Variants in NEB observed in about 807,000 individuals in gnomAD.
NEB encodes the protein nebulin.
Under a neutral mutation model 952.2 loss-of-function variants are expected in NEB, and 512 were observed. The ratio of observed to expected loss-of-function variants is 0.54; its 90% CI spans 0.50 to 0.58. The LOEUF (loss-of-function observed/expected upper bound fraction) is 0.58, where lower values mean the gene tolerates loss of function less well. Ranked by LOEUF, NEB falls within the 20% of genes least tolerant of loss-of-function variation. NEB has a pLI of 0.00. For missense variants in NEB, 8,428 were observed against 9,231.1 expected (o/e 0.91, Z 3.56); for synonymous variants, 2,900 against 3,149.8 (o/e 0.92, Z 2.66).
At chr2:151,626,721 A>G (rs1051414652) in intron 70 of NEB, among the ~76,000 whole-genome samples, 4 of 152,094 alleles carry the variant, frequency 2.6e-5, no homozygotes, top group Non-Finnish European at 5.9e-5. Context: ...TATTTTTAGT[A>G]GAGACAGGGT....
chr2:151,612,227 C>G lies in NEB; in HGVS notation c.11764G>C (p.Glu3922Gln). Residue 3922 changes from glutamate to glutamine, a missense_variant, in exon 78 of 182, where the codon GAA (glutamate) becomes CAA (glutamine). Coordinates refer to ENST00000397345, the MANE Select transcript of NEB (RefSeq NM_001164508.2). Reference sequence around the variant, plus strand: ...GCATTATTCTTTGCTAGGACAATTTCCGGAGTGTCGGTAATGCATGTGAAT... The same window carrying G: ...GCATTATTCTTTGCTAGGACAATTTGCGGAGTGTCGGTAATGCATGTGAAT... ...LKFTCITDTP[E>Q]IVLAKNNALT... is the part of the protein sequence containing the mutation. The G allele has an allele frequency of 6.2e-7, 1 of 1,613,838 alleles. No homozygotes were observed. Among genetic ancestry groups the G allele is most frequent in the Non-Finnish European group, 8.5e-7 (1 of 1,179,828 alleles).
At position 151,497,758 on chromosome 2, in the gene NEB, A is replaced by G. The variant is rs574960576; in HGVS notation, c.24208-40T>C. ...AGCATCCAGAAAAACAACCATGAGTAACATTTCATTTCTTGGGACTTTTTA... is the reference window on the plus strand; with the variant it reads ...AGCATCCAGAAAAACAACCATGAGTGACATTTCATTTCTTGGGACTTTTTA... On this transcript the variant is annotated intron_variant, in intron 170 of 181. Transcript: ENST00000397345. The G allele has an allele frequency of 1.7e-5, 26 of 1,552,642 alleles. No homozygotes were observed. The South Asian group carries it at 2.8e-4, about 16-fold the overall frequency.
Position 151,671,182 on chromosome 2 carries a change from C to G in NEB, c.4347G>C (p.Trp1449Cys). The change falls in exon 38 of 182, where the codon TGG becomes TGC. Residue 1449 changes from tryptophan (W) to cysteine (C), a missense_variant. Transcript: ENST00000397345. ...EYNSFLKGIG[W>C]IPIGSLEVEK... ...CCACCTCCAGGGAACCAATAGGGATCCATCCGATGCCCTTCAAGAAGCTGT... is the reference window on the plus strand; with the variant it reads ...CCACCTCCAGGGAACCAATAGGGATGCATCCGATGCCCTTCAAGAAGCTGT... 1 of 1,613,960 alleles carries G rather than the reference C, an allele frequency of 6.2e-7. No individual in the cohort carries two copies. Among genetic ancestry groups the G allele is most frequent in the Non-Finnish European group, 8.5e-7 (1 of 1,179,856 alleles).
chr2:151,635,169 A>T (rs2098733268), intron 64 of NEB, among the ~76,000 whole-genome samples: 1 of 152,256 alleles, frequency 6.6e-6, no homozygotes, highest in South Asian at 2.1e-4. Context: ...GAGACAATGC[A>T]TATAAAGCTC....
intron 9 of NEB, among the ~76,000 whole-genome samples, chr2:151,720,273 T>G (rs1048546373): frequency 6.6e-6 from 1 of 152,214 alleles, no homozygotes; most frequent in East Asian, 1.9e-4. Flanking sequence ...ACAGGAGAGA[T>G]AGCAACAGCA....
chr2:151,620,804 A>G (rs1197380596), intron 72 of NEB, 115 bp downstream of exon 72: 2 of 714,108 alleles, frequency 2.8e-6, no homozygotes, highest in Non-Finnish European at 4.6e-6. Context: ...AACCCTCAGT[A>G]TATTTGCCTA....
At chr2:151,608,905 C>CA (rs1163520121) in intron 81 of NEB, among the ~76,000 whole-genome samples, 865 of 34,412 alleles carry the variant, frequency 0.025, 93 homozygotes, top group African/African-American at 0.04. Flanking sequence ...CTCCGTCTCA[C>CA]AAAAAAAAAA....
chr2:151,677,223 A>G (rs1255266626), intron 34 of NEB, among the ~76,000 whole-genome samples: 2 of 152,200 alleles, frequency 1.3e-5, no homozygotes, highest in African/African-American at 2.4e-5. Context: ...TGCCACAATA[A>G]AGTGTCTGGG....
In NEB at chr2:151,553,326, A is replaced by G. The variant is rs1173091737; in HGVS notation, c.19731+72T>C. On this transcript the variant is annotated intron_variant, in intron 127 of 181. Coordinates refer to ENST00000397345, the MANE Select transcript of NEB (RefSeq NM_001164508.2). ...TGGCCTGTGACAATGTCCCTATTTT[A>G]CATAACCTCCTCTTAACTCTAGACT... is the stretch of plus-strand genomic sequence containing the variant. The G allele has an allele frequency of 5.5e-6, 7 of 1,274,258 alleles. No homozygotes were observed. In the Admixed American group the frequency reaches 1.2e-4, roughly 22 times the overall value. The allele number at this position is 1,274,258 out of a possible 1,614,324, so 78.9% of individuals were successfully genotyped here.
intron 77 of NEB, 119 bp downstream of exon 77, chr2:151,614,157 T>G (rs2098117771): frequency 7.7e-6 from 9 of 1,175,642 alleles, no homozygotes; most frequent in Non-Finnish European, 1.1e-5. Flanking sequence ...TTTGTGCATT[T>G]CAGAACATTA....
intron 20 of NEB, among the ~76,000 whole-genome samples, chr2:151,693,571 C>G (rs1043337041): frequency 1.3e-5 from 2 of 152,192 alleles, no homozygotes; most frequent in Admixed American, 6.5e-5. Context: ...CCAGCTCCAT[C>G]CATGTCCCTG....
rs1052587221 is a variant in NEB, at chr2:151,498,233, A to AT, written c.24207+26dup. 66 of 1,550,764 alleles carry AT rather than the reference A, an allele frequency of 4.3e-5. No individual in the cohort carries two copies. The African/African-American group carries it at 6.0e-4, about 14-fold the overall frequency. ...CAGTTTAATTCTGAAGTTAAGTGGCATTTTTTCCCCTTTCTTTCCAAAATA... is the reference window on the plus strand; with the variant it reads ...CAGTTTAATTCTGAAGTTAAGTGGCATTTTTTTCCCCTTTCTTTCCAAAATA... On this transcript the variant is annotated intron_variant, in intron 170 of 181. Coordinates refer to ENST00000397345, the MANE Select transcript of NEB (RefSeq NM_001164508.2).
chr2:151,574,448 T>A (rs553159145), intron 107 of NEB, among the ~76,000 whole-genome samples: 3 of 152,340 alleles, frequency 2.0e-5, no homozygotes, highest in Non-Finnish European at 4.4e-5. Flanking sequence ...GATTTATTTT[T>A]CAGTCATGTT....
chr2:151,642,730 G>A (rs1012139776), intron 59 of NEB, 35 bp downstream of exon 59: 4 of 1,605,018 alleles, frequency 2.5e-6, no homozygotes, highest in Non-Finnish European at 3.4e-6. Flanking sequence ...GCATTGTAAG[G>A]AAAATGTATC....
At chr2:151,707,748 A>G (rs2099718210) in intron 12 of NEB, among the ~76,000 whole-genome samples, 1 of 152,122 alleles carries the variant, frequency 6.6e-6, no homozygotes, top group African/African-American at 2.4e-5. Flanking sequence ...AGGCAATATA[A>G]GCACAGAAGT....
intron 9 of NEB, among the ~76,000 whole-genome samples, chr2:151,720,716 G>C (rs758947072): frequency 2.6e-5 from 4 of 152,116 alleles, no homozygotes; most frequent in Non-Finnish European, 5.9e-5. Context: ...GGCATTTCCT[G>C]GTTCCTTTTC....
Position 151,674,466 on chromosome 2 carries a change from T to C in NEB, c.3987+11A>G. ...GCAAACACCTAAACTTCACCTAAAA[T>C]TTGTACTCACATCACTGGCAATGTT... On this transcript the variant is annotated intron_variant, in intron 36 of 181. Coordinates refer to ENST00000397345, the MANE Select transcript of NEB (RefSeq NM_001164508.2). 2 of 1,607,282 alleles carry C rather than the reference T, an allele frequency of 1.2e-6. No individual in the cohort carries two copies. The highest frequency in any genetic ancestry group is 1.7e-6 in the Non-Finnish European group (2 of 1,173,718).
rs570860340 is a variant in NEB at position 151,526,182 on chromosome 2, C to G, written c.22026G>C (p.Lys7342Asn). ...CCTCAGACACCAGGTTGCTGACAGT[C>G]TTCGCCAGCAGGATCTGAGGCGTGT... ...VPDTPQILLA[K>N]TVSNLVSENK... Residue 7342 changes from lysine to asparagine, a missense_variant, in exon 149 of 182, where the codon AAG (lysine) becomes AAC (asparagine). By Grantham distance (94) the Lys-to-Asn change is moderately conservative. Coordinates refer to ENST00000397345, the MANE Select transcript of NEB (RefSeq NM_001164508.2). 18 of 1,613,916 alleles carry G rather than the reference C, an allele frequency of 1.1e-5. No individual in the cohort carries two copies. The South Asian group carries it at 1.8e-4, about 16-fold the overall frequency.
intron 165 of NEB, among the ~76,000 whole-genome samples, chr2:151,504,790 T>C (rs1425931800): frequency 6.6e-6 from 1 of 152,038 alleles, no homozygotes; most frequent in African/African-American, 2.4e-5. Flanking sequence ...TCAGGAGAAA[T>C]GTGCTAACCT....
Sources: gnomAD v4.1 joint callset for allele counts (sites outside exome capture counted in the v4.1 genomes callset) on GRCh38, gnomAD v4.1.1 for gene constraint, MANE v1.5 for transcripts, NCBI Gene and HGNC (gene_info 2026-07-23, HGNC 2026-07-21) for gene names.